DDHD2: variants seen among roughly 807,000 people sequenced by gnomAD.
The protein encoded by DDHD2 is triacylglycerol hydrolase DDHD2.
A neutral mutation model predicts 91.2 loss-of-function variants in DDHD2; 62 were observed. The ratio of observed to expected loss-of-function variants is 0.68; its 90% CI spans 0.55 to 0.84. The LOEUF is 0.84. Among genes scored for constraint, DDHD2 ranks in the 40% least tolerant of loss-of-function variants. The pLI, the probability that DDHD2 is intolerant of heterozygous loss-of-function variation, is 0.00. For synonymous variants in DDHD2, 271 were observed against 293.9 expected, an observed-to-expected ratio of 0.92 and a Z score of 0.80; for missense variants, 740 against 846.9, an observed-to-expected ratio of 0.87 and a Z score of 1.57.
intron 16 of DDHD2, among the ~76,000 whole-genome samples, chr8:38,254,529 C>T (rs1806359392): frequency 6.6e-6 from 1 of 151,938 alleles, no homozygotes; most frequent in African/African-American, 2.4e-5. Context: ...GACCGTTGTG[C>T]ACCACCATGC....
intron 14 of DDHD2, 28 bp downstream of exon 14, chr8:38,252,852 T>G (rs779559913): frequency 1.2e-5 from 19 of 1,611,472 alleles, no homozygotes; most frequent in African/African-American, 5.3e-5. Context: ...ACTTGATAAT[T>G]CTAGACCTTT....
Position 38,245,707 on chromosome 8 carries a change from A to T in DDHD2, c.849-35A>T, listed in dbSNP as rs775726872. ...TTGGAAGCAGCTATTAAGTGTATTT[A>T]GGTTTCCTGCTTATATTATTTTTCC... On this transcript the variant is annotated intron_variant, in intron 7 of 17. Coordinates refer to ENST00000397166, the MANE Select transcript of DDHD2 (RefSeq NM_015214.3). 7.6e-6 allele frequency: 12 copies of T among 1,573,848 alleles called. No individual in the cohort carries two copies. The East Asian group carries it at 2.0e-4, about 26-fold the overall frequency.
intron 16 of DDHD2, among the ~76,000 whole-genome samples, chr8:38,256,440 C>T (rs927488593): frequency 6.6e-6 from 1 of 152,108 alleles, no homozygotes; most frequent in African/African-American, 2.4e-5. Flanking sequence ...CCCATCTCAG[C>T]CTCCCAAGAA....
At chr8:38,271,692 G>C (rs980852363), downstream of DDHD2, 4 of 152,186 alleles carry the variant, frequency 2.6e-5, no homozygotes, top group Admixed American at 2.6e-4. Context: ...GGGGAGGCTG[G>C]ATGCATCAGC....
chr8:38,270,244 A>G (rs1808402323), intron 1 of DDHD2: 1 of 152,234 alleles, frequency 6.6e-6, no homozygotes, highest in South Asian at 2.1e-4. Context: ...GATTTAGGCA[A>G]AGTAATGGTT....
At position 38,251,844 on chromosome 8, in the gene DDHD2, A is replaced by C. The variant is rs1806134283; in HGVS notation, c.1345-68A>C. On this transcript the variant is annotated intron_variant, in intron 11 of 17. Coordinates refer to ENST00000397166, the MANE Select transcript of DDHD2 (RefSeq NM_015214.3). ...CCTACCTACCTACCTCAGGGTCCTG[A>C]GTAGCTGGGACTACAGGTGCATGCC... The C allele has an allele frequency of 1.2e-5, 14 of 1,131,794 alleles. No homozygotes were observed. In the South Asian group the frequency reaches 1.7e-4, roughly 13 times the overall value. The allele number at this position is 1,131,794 out of a possible 1,614,324, so 70.1% of individuals were successfully genotyped here.
At chr8:38,246,090 A>G in intron 8 of DDHD2, 140 bp downstream of exon 8, 1 of 1,112,132 alleles carries the variant, frequency 9.0e-7, no homozygotes, top group South Asian at 1.3e-5. Context: ...AAGGGGTTGG[A>G]AGGGTGGCGG....
At chr8:38,238,009 G>T in intron 4 of DDHD2, 80 bp from the exon 5 acceptor site, 1 of 1,386,634 alleles carries the variant, frequency 7.2e-7, no homozygotes, top group South Asian at 1.5e-5. Flanking sequence ...TGAAAGACAT[G>T]ATTCTACACT....
At chr8:38,266,119 A>G, downstream of DDHD2, 1 of 1,611,258 alleles carries the variant, frequency 6.2e-7, no homozygotes, top group Non-Finnish European at 8.5e-7. Context: ...GCAAGCTTCC[A>G]TAGCCTGAGT....
chr8:38,263,900 A>G (rs1432461098), downstream of DDHD2: 11 of 985,174 alleles, frequency 1.1e-5, no homozygotes, highest in Non-Finnish European at 1.3e-5. Context: ...GATAGACCAG[A>G]TTCATAAGGT....
chr8:38,246,783 G>C (rs1412562995), intron 9 of DDHD2: 1 of 163,674 alleles, frequency 6.1e-6, no homozygotes, highest in Non-Finnish European at 1.3e-5. Context: ...TGGAGGTTCA[G>C]TGAGCTGAGA....
At chr8:38,238,728 AAAACATACC>A (rs1268373136) in intron 5 of DDHD2, 2 of 921,562 alleles carry the variant, frequency 2.2e-6, no homozygotes, top group Admixed American at 6.2e-5. Context: ...TCAGGCTTTA[AAAACATACC>A]AAACATTGAT....
chr8:38,270,328 C>T (rs1164481947), intron 1 of DDHD2: 2 of 152,118 alleles, frequency 1.3e-5, no homozygotes, highest in South Asian at 2.1e-4. Flanking sequence ...TCATAAAGAA[C>T]ACGAGAAAAT....
At position 38,253,026 on chromosome 8, in the gene DDHD2, C is replaced by G. The variant is rs1258702075; in HGVS notation, c.1790C>G (p.Ala597Gly). The G allele has an allele frequency of 6.2e-7, 1 of 1,614,126 alleles. No individual in the cohort carries two copies. Among genetic ancestry groups the G allele is most frequent in the East Asian group, 2.2e-5 (1 of 44,870 alleles). Residue 597 changes from alanine (A) to glycine (G), a missense_variant, in exon 15 of 18, where the codon GCC becomes GGC. By Grantham distance (60) the Ala-to-Gly change is moderately conservative. This residue lies in a region of DDHD2 where 693 missense variants were observed against 764.2 expected (regional missense o/e 0.91). Coordinates refer to ENST00000397166, the MANE Select transcript of DDHD2 (RefSeq NM_015214.3). ...AACTTGCTAGGTTCGCTGCGGATGG[C>G]CTGGAAGTCTTTTACCAGAGCTCCA... ...KNNLLGSLRMAWKSFTRAPYP... is the reference protein window; with the variant it reads ...KNNLLGSLRMGWKSFTRAPYP...
chr8:38,239,991 G>A lies in DDHD2; in HGVS notation c.623-284G>A, dbSNP rs1805124080. Among the ~76,000 whole-genome samples the A allele has an allele frequency of 2.0e-5, 3 of 151,850 alleles. No individual in the cohort carries two copies. In the South Asian group the frequency reaches 6.3e-4, roughly 32 times the overall value. On this transcript the variant is annotated intron_variant, in intron 5 of 17. Coordinates refer to ENST00000397166, the MANE Select transcript of DDHD2 (RefSeq NM_015214.3). ...ACCTGCCTTGGCCTCCCAAAGTGCT[G>A]GGATTACAGCCGTGAGCCACCGCGC... is the stretch of plus-strand genomic sequence containing the variant.
chr8:38,263,512 T>C (rs911640266), downstream of DDHD2: 21 of 985,438 alleles, frequency 2.1e-5, no homozygotes, highest in Non-Finnish European at 2.5e-5. Context: ...CTGACCATTT[T>C]CTTCTTTATT....
chr8:38,266,124 C>T, downstream of DDHD2: 13 of 1,612,608 alleles, frequency 8.1e-6, no homozygotes, highest in Admixed American at 1.7e-5. Flanking sequence ...CTTCCATAGC[C>T]TGAGTACTTT....
chr8:38,267,517 G>A (rs932810749), downstream of DDHD2: 11 of 1,142,118 alleles, frequency 9.6e-6, no homozygotes, highest in Non-Finnish European at 1.3e-5. Flanking sequence ...TAAGGTAACT[G>A]GCTTAGTATA....
At chr8:38,252,072 G>C in intron 12 of DDHD2, 44 bp downstream of exon 12, 1 of 1,612,334 alleles carries the variant, frequency 6.2e-7, no homozygotes, top group Admixed American at 1.7e-5. Flanking sequence ...CTATTTGTAT[G>C]GTAGAAACAG....
Sources: allele counts gnomAD v4.1 joint callset (sites outside exome capture counted in the v4.1 genomes callset), GRCh38; gene constraint gnomAD v4.1.1; regional missense constraint gnomAD v4.1.1; transcripts MANE v1.5; gene names NCBI Gene and HGNC (gene_info 2026-07-23, HGNC 2026-07-21).